CDKAL1: variants seen among roughly 807,000 people sequenced by gnomAD.
CDKAL1 encodes the protein CDKAL1 threonylcarbamoyladenosine tRNA methylthiotransferase.
In CDKAL1, 32 loss-of-function variants were observed where a neutral mutation model predicts 68.2. That is an observed-to-expected ratio of 0.47 (90% CI 0.35 to 0.63). The LOEUF is 0.63. Among genes scored for constraint, CDKAL1 ranks in the 30% least tolerant of loss-of-function variants. The probability of loss-of-function intolerance (pLI) is 0.00; values close to 1 mark genes in which losing one functional copy is unlikely to be tolerated. For missense variants in CDKAL1, 606 were observed against 696.7 expected (o/e 0.87, Z 1.47); for synonymous variants, 234 against 244.3 (o/e 0.96, Z 0.39).
At chr6:20,732,305 C>T (rs1219996307) in intron 5 of CDKAL1, among the ~76,000 whole-genome samples, 9 of 115,862 alleles carry the variant, frequency 7.8e-5, no homozygotes, top group Admixed American at 1.2e-4. Flanking sequence ...GAGACAGGGT[C>T]TCACTCTGTC....
chr6:21,018,290 TA>T (rs1391201479), intron 11 of CDKAL1, among the ~76,000 whole-genome samples: 8 of 152,118 alleles, frequency 5.3e-5, no homozygotes, highest in African/African-American at 1.9e-4. Flanking sequence ...CCACGGAAAA[TA>T]AATGTAATAA....
chr6:21,114,738 C>G (rs1363050703), intron 13 of CDKAL1, among the ~76,000 whole-genome samples: 3 of 149,500 alleles, frequency 2.0e-5, no homozygotes, highest in Non-Finnish European at 3.0e-5. Context: ...GACATTGTCT[C>G]AAAAAAAGAA....
chr6:20,976,992 A>C (rs1403281684), intron 10 of CDKAL1, among the ~76,000 whole-genome samples: 1 of 152,102 alleles, frequency 6.6e-6, no homozygotes, highest in African/African-American at 2.4e-5. Flanking sequence ...GACATAATAC[A>C]CTCATTTCTC....
chr6:20,793,018 G>A (rs541870726), intron 8 of CDKAL1, among the ~76,000 whole-genome samples: 1 of 152,172 alleles, frequency 6.6e-6, no homozygotes, highest in South Asian at 2.1e-4. Flanking sequence ...ATACAATAAT[G>A]GTGTACAACA....
chr6:20,911,177 G>A (rs1042645049), intron 9 of CDKAL1, among the ~76,000 whole-genome samples: 1 of 152,206 alleles, frequency 6.6e-6, no homozygotes, highest in Non-Finnish European at 1.5e-5. Context: ...TAACGAGTAA[G>A]TTAGGCACTA....
At chr6:20,779,474 A>C (rs762420752) in intron 7 of CDKAL1, among the ~76,000 whole-genome samples, 1 of 152,234 alleles carries the variant, frequency 6.6e-6, no homozygotes, top group Non-Finnish European at 1.5e-5. Context: ...ATTTTAGAAC[A>C]CTTACATCAC....
At chr6:21,223,734 G>A (rs1473429284) in intron 15 of CDKAL1, among the ~76,000 whole-genome samples, 1 of 152,170 alleles carries the variant, frequency 6.6e-6, no homozygotes, top group Non-Finnish European at 1.5e-5. Flanking sequence ...CATCTCTTGG[G>A]TGCCCTTTCC....
intron 9 of CDKAL1, among the ~76,000 whole-genome samples, chr6:20,921,744 A>G (rs1762966247): frequency 6.6e-6 from 1 of 152,124 alleles, no homozygotes. Flanking sequence ...TTGGTGATGT[A>G]ATTTCTCAGA....
chr6:20,548,665 T>G lies in CDKAL1; in HGVS notation c.246T>G (p.Tyr82Ter). The change falls in exon 4 of 16, where the codon TAT (tyrosine) becomes TAG (stop). Residue 82 changes from tyrosine to a stop codon, truncating the protein, a stop_gained. Transcript: ENST00000274695. LOFTEE classifies it high-confidence loss of function. The part of the protein sequence containing the change: ...GCSHNNSDGE[Y>*]MAGQLAAYGY... ...CTCATAATAATTCAGATGGAGAATA[T>G]ATGGCTGGACAGCTAGCTGCTTATG... The G allele has an allele frequency of 6.3e-7, 1 of 1,595,372 alleles. No individual in the cohort carries two copies. The highest frequency in any genetic ancestry group is 8.6e-7 in the Non-Finnish European group (1 of 1,164,820).
intron 8 of CDKAL1, among the ~76,000 whole-genome samples, chr6:20,799,118 T>A (rs937540145): frequency 7.4e-6 from 1 of 134,842 alleles, no homozygotes; most frequent in East Asian, 2.3e-4. Context: ...AATGGCATGA[T>A]CTTGGCTCAC....
At chr6:20,540,219 G>A (rs1484093854) in intron 2 of CDKAL1, among the ~76,000 whole-genome samples, 2 of 151,524 alleles carry the variant, frequency 1.3e-5, no homozygotes, top group Non-Finnish European at 2.9e-5. Context: ...GGTTACAGGC[G>A]CTCGCCACTA....
chr6:21,070,163 CT>C (rs1771694995), intron 12 of CDKAL1, among the ~76,000 whole-genome samples: 1 of 152,088 alleles, frequency 6.6e-6, no homozygotes, highest in African/African-American at 2.4e-5. Context: ...ATTTGCTGTA[CT>C]TGCTGATCGT....
intron 13 of CDKAL1, among the ~76,000 whole-genome samples, chr6:21,134,698 T>C (rs1238411848): frequency 6.6e-6 from 1 of 152,052 alleles, no homozygotes; most frequent in Non-Finnish European, 1.5e-5. Flanking sequence ...GAAAAGTAAT[T>C]GCAGTGAGGT....
intron 13 of CDKAL1, among the ~76,000 whole-genome samples, chr6:21,187,763 T>A (rs1450314502): frequency 1.3e-5 from 2 of 152,206 alleles, no homozygotes; most frequent in African/African-American, 2.4e-5. Context: ...TCTCTTTTTT[T>A]AAATTTGGCT....
chr6:20,799,151 C>A (rs572991216), intron 8 of CDKAL1, among the ~76,000 whole-genome samples: 30 of 141,550 alleles, frequency 2.1e-4, no homozygotes, highest in African/African-American at 7.6e-4. Flanking sequence ...CTCCCGGGTT[C>A]TAGCAATTCT....
At chr6:20,896,101 T>TC (rs1761672081) in intron 9 of CDKAL1, among the ~76,000 whole-genome samples, 1 of 102,264 alleles carries the variant, frequency 9.8e-6, no homozygotes, top group South Asian at 3.6e-4. Context: ...TTCTTTTCTT[T>TC]TCTTTTTTTT....
chr6:20,951,722 T>C (rs1764532689), intron 9 of CDKAL1, among the ~76,000 whole-genome samples: 1 of 152,196 alleles, frequency 6.6e-6, no homozygotes, highest in Non-Finnish European at 1.5e-5. Context: ...ATTTAAAAAG[T>C]TGGGTAGACT....
intron 13 of CDKAL1, among the ~76,000 whole-genome samples, chr6:21,181,078 C>G (rs1401321875): frequency 6.6e-6 from 1 of 152,136 alleles, no homozygotes; most frequent in Non-Finnish European, 1.5e-5. Context: ...AGAATGCATG[C>G]ATGTGCAAGA....
chr6:20,777,780 T>A (rs1237901629), intron 7 of CDKAL1, among the ~76,000 whole-genome samples: 1 of 152,182 alleles, frequency 6.6e-6, no homozygotes, highest in Non-Finnish European at 1.5e-5. Flanking sequence ...ATGTACCATG[T>A]TTTTTCCCAT....
Sources: gnomAD v4.1 joint callset for allele counts (sites outside exome capture counted in the v4.1 genomes callset) on GRCh38, gnomAD v4.1.1 for gene constraint, MANE v1.5 for transcripts, NCBI Gene and HGNC (gene_info 2026-07-23, HGNC 2026-07-21) for gene names.